Variants in QTMAN observed in about 807,000 individuals in gnomAD.
QTMAN encodes tRNA-queuosine alpha-mannosyltransferase.
chr2:144,007,687 T>A, the QTMAN span: 1 of 572,450 alleles, frequency 1.7e-6, no homozygotes, highest in East Asian at 3.0e-5. Context: ...TAAAAAGTAG[T>A]AGCCACTAAG....
chr2:143,980,211 A>C, the QTMAN span, among the ~76,000 whole-genome samples: 2 of 151,070 alleles, frequency 1.3e-5, no homozygotes, highest in Non-Finnish European at 3.0e-5. Context: ...GACAGGCCCC[A>C]GTGTGTGTTG....
the QTMAN span, among the ~76,000 whole-genome samples, chr2:144,137,286 C>T: frequency 6.6e-6 from 1 of 152,082 alleles, no homozygotes; most frequent in Non-Finnish European, 1.5e-5. Context: ...TTTTGATGTA[C>T]AAGCTGTACA....
At chr2:143,977,263 G>C in the QTMAN span, among the ~76,000 whole-genome samples, 1 of 152,132 alleles carries the variant, frequency 6.6e-6, no homozygotes, top group South Asian at 2.1e-4. Flanking sequence ...CAAAAAAAAG[G>C]AGCAGTCTTC....
chr2:144,231,176 C>A, the QTMAN span, among the ~76,000 whole-genome samples: 2 of 152,008 alleles, frequency 1.3e-5, no homozygotes, highest in South Asian at 4.1e-4. Flanking sequence ...AAAGTATGTA[C>A]CATATGGTTA....
chr2:144,284,493 A>T, the QTMAN span, among the ~76,000 whole-genome samples: 1 of 152,142 alleles, frequency 6.6e-6, no homozygotes, highest in Non-Finnish European at 1.5e-5. Context: ...AAAAACTGAA[A>T]GGAAAATGAC....
chr2:144,265,144 T>C, the QTMAN span, among the ~76,000 whole-genome samples: 3 of 152,154 alleles, frequency 2.0e-5, no homozygotes, highest in African/African-American at 7.2e-5. Flanking sequence ...GTTTCCAAGA[T>C]CTTGGTTAAT....
the QTMAN span, among the ~76,000 whole-genome samples, chr2:144,058,096 A>G: frequency 1.3e-5 from 2 of 150,792 alleles, no homozygotes; most frequent in African/African-American, 4.9e-5. Context: ...GAAGGAAAAA[A>G]AAAAGAAAGA....
At chr2:144,283,879 T>A in the QTMAN span, among the ~76,000 whole-genome samples, 290 of 152,088 alleles carry the variant, frequency 1.9e-3, 1 homozygote, top group African/African-American at 6.5e-3. Context: ...ATGAAAAAAA[T>A]AAATTTTAAA....
chr2:144,141,879 G>T, the QTMAN span: 2 of 1,603,434 alleles, frequency 1.2e-6, no homozygotes, highest in South Asian at 2.2e-5. Flanking sequence ...CAAACATACT[G>T]ACCTGCTCAC....
chr2:144,038,967 C>T, the QTMAN span, among the ~76,000 whole-genome samples: 1 of 152,078 alleles, frequency 6.6e-6, no homozygotes, highest in Non-Finnish European at 1.5e-5. Context: ...GGCGAATACA[C>T]AACTGAGATT....
chr2:144,265,645 G>A, the QTMAN span, among the ~76,000 whole-genome samples: 14 of 151,716 alleles, frequency 9.2e-5, no homozygotes, highest in African/African-American at 1.5e-4. Flanking sequence ...GCAGTGAGCC[G>A]AGATCACACC....
At chr2:143,971,267 C>T in the QTMAN span, among the ~76,000 whole-genome samples, 1 of 152,000 alleles carries the variant, frequency 6.6e-6, no homozygotes, top group Non-Finnish European at 1.5e-5. Context: ...AAGGAACGCA[C>T]AATTTAGGGA....
chr2:144,076,200 T>C, the QTMAN span, among the ~76,000 whole-genome samples: 2 of 152,088 alleles, frequency 1.3e-5, no homozygotes, highest in African/African-American at 2.4e-5. Context: ...TGAGCCAAGA[T>C]TGCGCCACTG....
the QTMAN span, among the ~76,000 whole-genome samples, chr2:144,275,763 C>G: frequency 6.6e-6 from 1 of 152,188 alleles, no homozygotes; most frequent in Non-Finnish European, 1.5e-5. Flanking sequence ...CACGTATCTA[C>G]ACTAGCGTTT....
the QTMAN span, among the ~76,000 whole-genome samples, chr2:144,125,991 C>T: frequency 3.6e-4 from 55 of 152,022 alleles, no homozygotes; most frequent in Non-Finnish European, 4.0e-4. Context: ...AATGCCAACA[C>T]GTATGGAGAA....
chr2:144,172,678 T>C, the QTMAN span, among the ~76,000 whole-genome samples: 1 of 150,104 alleles, frequency 6.7e-6, no homozygotes, highest in African/African-American at 2.4e-5. Flanking sequence ...GGAAGCTCAC[T>C]GCCCTTTTAG....
At chr2:144,233,713 C>T in the QTMAN span, among the ~76,000 whole-genome samples, 1 of 152,068 alleles carries the variant, frequency 6.6e-6, no homozygotes, top group East Asian at 1.9e-4. Context: ...TTTTCTTGCC[C>T]CTTTAAAGTC....
the QTMAN span, among the ~76,000 whole-genome samples, chr2:144,136,454 AAGG>A: frequency 8.0e-6 from 1 of 124,684 alleles, no homozygotes; most frequent in Non-Finnish European, 1.7e-5. Flanking sequence ...GGAAAGGAGA[AAGG>A]AGGAAGGAGA....
chr2:144,275,616 C>T, the QTMAN span, among the ~76,000 whole-genome samples: 1 of 152,074 alleles, frequency 6.6e-6, no homozygotes, highest in Non-Finnish European at 1.5e-5. Context: ...TCCATCTGCC[C>T]TCATCTATGA....
Sources: allele counts gnomAD v4.1 joint callset (sites outside exome capture counted in the v4.1 genomes callset), GRCh38; gene constraint gnomAD v4.1.1; transcripts MANE v1.5; gene names NCBI Gene and HGNC (gene_info 2026-07-23, HGNC 2026-07-21).